KIAA1549L: variants seen among roughly 807,000 people sequenced by gnomAD.
KIAA1549L encodes KIAA1549 like.
KIAA1549L carries 88 observed loss-of-function variants against 160.7 expected under a neutral mutation model. That is an observed-to-expected ratio of 0.55 (90% CI 0.46 to 0.65). The LOEUF is 0.65. Among genes scored for constraint, KIAA1549L ranks in the 30% least tolerant of loss-of-function variants. The probability of loss-of-function intolerance (pLI) is 0.00; values close to 1 mark genes in which losing one functional copy is unlikely to be tolerated. For missense variants in KIAA1549L, 2,258 were observed against 2,437.5 expected, an observed-to-expected ratio of 0.93 and a Z score of 1.55; for synonymous variants, 950 against 976.7, an observed-to-expected ratio of 0.97 and a Z score of 0.51.
chr11:33,379,472 G>A (rs548419276), intron 1 of KIAA1549L, among the ~76,000 whole-genome samples: 9 of 152,314 alleles, frequency 5.9e-5, no homozygotes, highest in African/African-American at 1.9e-4. Context: ...GGTGTGGGAA[G>A]GAAGTTTCTT....
chr11:33,431,768 G>A (rs1277712318), intron 1 of KIAA1549L, among the ~76,000 whole-genome samples: 10 of 152,250 alleles, frequency 6.6e-5, no homozygotes, highest in African/African-American at 2.2e-4. Context: ...TTGGGTGGTC[G>A]ATGGGACTGG....
At chr11:33,478,462 A>AT (rs1852340269) in intron 1 of KIAA1549L, among the ~76,000 whole-genome samples, 2 of 152,210 alleles carry the variant, frequency 1.3e-5, no homozygotes, top group South Asian at 4.1e-4. Context: ...AGCTGTTATA[A>AT]CCACATGGAG....
intron 1 of KIAA1549L, among the ~76,000 whole-genome samples, chr11:33,397,707 A>C (rs1368646710): frequency 2.9e-5 from 3 of 103,728 alleles, no homozygotes; most frequent in African/African-American, 7.3e-5. Flanking sequence ...GCGAGACTCC[A>C]TCTCACACAC....
At chr11:33,570,396 C>G (rs1855211266) in intron 9 of KIAA1549L, among the ~76,000 whole-genome samples, 1 of 152,144 alleles carries the variant, frequency 6.6e-6, no homozygotes, top group Non-Finnish European at 1.5e-5. Context: ...CTGCAAATCC[C>G]TGATTTACAG....
intron 1 of KIAA1549L, among the ~76,000 whole-genome samples, chr11:33,445,280 G>A (rs1438754188): frequency 1.3e-5 from 2 of 152,214 alleles, no homozygotes; most frequent in African/African-American, 4.8e-5. Flanking sequence ...AGAACAGTGG[G>A]AGTAGTAGGT....
intron 1 of KIAA1549L, among the ~76,000 whole-genome samples, chr11:33,500,338 A>C (rs1465426780): frequency 6.6e-6 from 1 of 152,192 alleles, no homozygotes; most frequent in Non-Finnish European, 1.5e-5. Context: ...GATGAAGTGT[A>C]TATAAAGACT....
At chr11:33,436,038 T>G (rs1464590253) in intron 1 of KIAA1549L, among the ~76,000 whole-genome samples, 1 of 150,218 alleles carries the variant, frequency 6.7e-6, no homozygotes, top group Non-Finnish European at 1.5e-5. Flanking sequence ...TACATAGTAT[T>G]ATATTGTATT....
At chr11:33,661,893 AAAAAAAAAAAAAAG>A (rs1352722216) in intron 20 of KIAA1549L, among the ~76,000 whole-genome samples, 4 of 149,952 alleles carry the variant, frequency 2.7e-5, no homozygotes, top group Admixed American at 6.6e-5. Context: ...AAAAAAAAAA[AAAAAAAAAAAAAAG>A]AAACCCAAGA....
rs11823102 is a variant in KIAA1549L at position 33,573,641 on chromosome 11, T to C, written c.4231-1061T>C. ...TGCTATAAACATTTTTGTAAAGTCT[T>C]TTAATATCCTGTGAAACTCATAATC... On this transcript the variant is annotated intron_variant, in intron 9 of 20. Transcript: ENST00000658780. Among the ~76,000 whole-genome samples the C allele has an allele frequency of 3.2e-3, 493 of 152,290 alleles. 2 individuals are homozygous for C. The highest frequency in any genetic ancestry group is 0.011 in the African/African-American group (470 of 41,570).
intron 1 of KIAA1549L, among the ~76,000 whole-genome samples, chr11:33,404,527 AAAAC>A (rs569475612): frequency 1.4e-3 from 217 of 152,188 alleles, no homozygotes; most frequent in African/African-American, 3.6e-3. Context: ...ACTCCATCTC[AAAAC>A]AAACAAACAA....
At chr11:33,518,281 G>T (rs1330525996) in intron 1 of KIAA1549L, among the ~76,000 whole-genome samples, 1 of 151,816 alleles carries the variant, frequency 6.6e-6, no homozygotes, top group East Asian at 1.9e-4. Flanking sequence ...GTTCTTGATT[G>T]GATTTCAGCT....
At chr11:33,430,736 C>A (rs1851220503) in intron 1 of KIAA1549L, among the ~76,000 whole-genome samples, 1 of 152,204 alleles carries the variant, frequency 6.6e-6, no homozygotes, top group African/African-American at 2.4e-5. Flanking sequence ...ACCAAACTTA[C>A]CTCAACCTGT....
chr11:33,598,186 ATGTTTGTGTGTGTGTGTG>A (rs1257091090), intron 12 of KIAA1549L, among the ~76,000 whole-genome samples: 13 of 113,738 alleles, frequency 1.1e-4, no homozygotes, highest in African/African-American at 5.6e-4. Context: ...TAGAGAGAGA[ATGTTTGTGTGTGTGTGTG>A]TGTGTGTGTG....
At chr11:33,437,805 C>A (rs1171683612) in intron 1 of KIAA1549L, among the ~76,000 whole-genome samples, 1 of 152,214 alleles carries the variant, frequency 6.6e-6, no homozygotes, top group African/African-American at 2.4e-5. Context: ...TTGTCCCCTC[C>A]AGTGGGTCAG....
intron 1 of KIAA1549L, among the ~76,000 whole-genome samples, chr11:33,451,739 A>G (rs1194648612): frequency 6.6e-6 from 1 of 152,178 alleles, no homozygotes; most frequent in Non-Finnish European, 1.5e-5. Context: ...ACTTATTCCA[A>G]CTTAGGGAAA....
At chr11:33,558,201 TAGTC>T (rs1433521408) in intron 6 of KIAA1549L, among the ~76,000 whole-genome samples, 6 of 152,158 alleles carry the variant, frequency 3.9e-5, no homozygotes, top group African/African-American at 1.4e-4. Flanking sequence ...GACAGGGTGT[TAGTC>T]AGTGTCCTGA....
At chr11:33,521,227 A>G (rs1853485337) in intron 1 of KIAA1549L, among the ~76,000 whole-genome samples, 1 of 152,190 alleles carries the variant, frequency 6.6e-6, no homozygotes, top group African/African-American at 2.4e-5. Flanking sequence ...AAGAATATTA[A>G]ACACCTTGGG....
intron 1 of KIAA1549L, among the ~76,000 whole-genome samples, chr11:33,463,350 A>G (rs1851981199): frequency 6.6e-6 from 1 of 151,794 alleles, no homozygotes; most frequent in African/African-American, 2.4e-5. Context: ...TTTTAATTTT[A>G]TTTAGTTTTG....
chr11:33,592,455 A>G (rs1850084887), intron 12 of KIAA1549L, among the ~76,000 whole-genome samples: 2 of 152,210 alleles, frequency 1.3e-5, no homozygotes, highest in Non-Finnish European at 2.9e-5. Flanking sequence ...GGCTGGCTAA[A>G]CCAACATGCG....
Sources: gnomAD v4.1 joint callset for allele counts (sites outside exome capture counted in the v4.1 genomes callset) on GRCh38, gnomAD v4.1.1 for gene constraint, MANE v1.5 for transcripts, NCBI Gene and HGNC (gene_info 2026-07-23, HGNC 2026-07-21) for gene names.